Variants in SGCZ observed in about 807,000 individuals in gnomAD.
SGCZ encodes the protein sarcoglycan zeta.
Under a neutral mutation model 41.3 loss-of-function variants are expected in SGCZ, and 40 were observed. The ratio of observed to expected loss-of-function variants is 0.97; its 90% CI spans 0.75 to 1.26. The LOEUF (loss-of-function observed/expected upper bound fraction) is 1.26, where lower values mean the gene tolerates loss of function less well. Ranked by LOEUF, SGCZ falls within the 50% of genes most tolerant of loss-of-function variation. The pLI, the probability that SGCZ is intolerant of heterozygous loss-of-function variation, is 0.00. For missense variants in SGCZ, 552 were observed against 369.8 expected (o/e 1.49, Z -4.04); for synonymous variants, 206 against 137.5 (o/e 1.50, Z -3.49).
At chr8:15,057,202 G>A (rs1344337500) in intron 1 of SGCZ, among the ~76,000 whole-genome samples, 1 of 152,230 alleles carries the variant, frequency 6.6e-6, no homozygotes, top group Non-Finnish European at 1.5e-5. Context: ...TTCACCCCTT[G>A]TGCAGCCAGA....
intron 1 of SGCZ, among the ~76,000 whole-genome samples, chr8:14,733,845 A>C (rs1211669258): frequency 1.3e-5 from 2 of 152,218 alleles, no homozygotes; most frequent in Non-Finnish European, 2.9e-5. Flanking sequence ...AAGCAATTTT[A>C]AGGCTTTGAA....
intron 1 of SGCZ, among the ~76,000 whole-genome samples, chr8:15,113,657 C>T (rs986127594): frequency 2.0e-5 from 3 of 152,160 alleles, no homozygotes; most frequent in African/African-American, 7.2e-5. Context: ...TTTCAGTCCC[C>T]CTTCCTCATA....
At chr8:14,605,283 C>A in intron 1 of SGCZ, among the ~76,000 whole-genome samples, 1 of 151,628 alleles carries the variant, frequency 6.6e-6, no homozygotes. Flanking sequence ...TTTGTGGGTG[C>A]ATAGTGAGTG....
chr8:14,853,107 C>G (rs1313831685), intron 1 of SGCZ, among the ~76,000 whole-genome samples: 1 of 152,110 alleles, frequency 6.6e-6, no homozygotes, highest in Non-Finnish European at 1.5e-5. Flanking sequence ...TGAAGAAAGT[C>G]AAATTAAAGC....
chr8:14,244,187 CT>C lies in SGCZ; in HGVS notation c.337-6509del. Among the ~76,000 whole-genome samples the C allele has an allele frequency of 2.8e-4, 3 of 10,852 alleles. No homozygotes were observed. In the South Asian group the frequency reaches 7.5e-3, roughly 27 times the overall value. 7.1% of individuals were successfully genotyped at this position (10,852 alleles called of 152,430 possible). ...TTCTTCCTCCTCCTCTTCCTTCTTC[CT>C]CCTCCTCTTCCTTCTTCCTCCTCTT... On this transcript the variant is annotated intron_variant, in intron 3 of 7. Coordinates refer to ENST00000382080, the MANE Select transcript of SGCZ (RefSeq NM_139167.4).
intron 5 of SGCZ, among the ~76,000 whole-genome samples, chr8:14,122,791 A>C (rs1027653260): frequency 6.6e-6 from 1 of 151,426 alleles, no homozygotes. Flanking sequence ...TAGAAACTCA[A>C]ATATACTGTT....
intron 1 of SGCZ, among the ~76,000 whole-genome samples, chr8:14,754,360 G>A (rs1799591817): frequency 6.6e-6 from 1 of 151,950 alleles, no homozygotes; most frequent in Non-Finnish European, 1.5e-5. Context: ...ACCTCTCTCT[G>A]TTTTTCTTCT....
intron 1 of SGCZ, among the ~76,000 whole-genome samples, chr8:14,623,899 T>A (rs1241115782): frequency 2.0e-5 from 3 of 152,170 alleles, no homozygotes; most frequent in Non-Finnish European, 4.4e-5. Flanking sequence ...AATACCCACT[T>A]CTGGACTTTT....
At chr8:15,006,884 G>T (rs1229747442) in intron 1 of SGCZ, among the ~76,000 whole-genome samples, 1 of 152,140 alleles carries the variant, frequency 6.6e-6, no homozygotes, top group Non-Finnish European at 1.5e-5. Context: ...TTGTAACCCA[G>T]AGAAAGCTAG....
chr8:14,466,169 C>T (rs73519382), intron 2 of SGCZ, among the ~76,000 whole-genome samples: 2,561 of 152,000 alleles, frequency 0.017, 88 homozygotes, highest in African/African-American at 0.059. Flanking sequence ...ACTTATTCAC[C>T]TTATTCAGCT....
chr8:14,929,370 T>C (rs1228563008), intron 1 of SGCZ, among the ~76,000 whole-genome samples: 1 of 152,204 alleles, frequency 6.6e-6, no homozygotes, highest in Admixed American at 6.5e-5. Flanking sequence ...GCTTTAGATA[T>C]GAGAGTAAGG....
At chr8:14,303,082 T>A (rs905145003) in intron 3 of SGCZ, among the ~76,000 whole-genome samples, 1 of 152,110 alleles carries the variant, frequency 6.6e-6, no homozygotes, top group African/African-American at 2.4e-5. Flanking sequence ...CCTGATACAT[T>A]AGATGCCCAC....
intron 1 of SGCZ, among the ~76,000 whole-genome samples, chr8:14,669,643 T>C (rs575501820): frequency 6.6e-6 from 1 of 151,870 alleles, no homozygotes; most frequent in East Asian, 1.9e-4. Context: ...TTATCACAAA[T>C]GGCAGCACTT....
intron 1 of SGCZ, among the ~76,000 whole-genome samples, chr8:14,854,092 T>A (rs893228251): frequency 6.8e-6 from 1 of 146,266 alleles, no homozygotes; most frequent in African/African-American, 2.5e-5. Flanking sequence ...ATATACTCTG[T>A]CTAAAGCTAC....
chr8:14,128,849 A>G (rs1401809326), intron 5 of SGCZ, among the ~76,000 whole-genome samples: 1 of 152,180 alleles, frequency 6.6e-6, no homozygotes, highest in Non-Finnish European at 1.5e-5. Context: ...AACAAAGTCA[A>G]AAACGACATA....
chr8:14,354,184 A>G (rs925825914), intron 2 of SGCZ, among the ~76,000 whole-genome samples: 2 of 152,068 alleles, frequency 1.3e-5, no homozygotes, highest in African/African-American at 4.8e-5. Context: ...TCCAATAAAC[A>G]CTGTTAAACT....
chr8:14,138,770 T>C (rs768750142), intron 5 of SGCZ, among the ~76,000 whole-genome samples: 10 of 152,126 alleles, frequency 6.6e-5, no homozygotes, highest in Non-Finnish European at 1.2e-4. Flanking sequence ...CTGTAAACAT[T>C]AGACAGATCA....
intron 2 of SGCZ, among the ~76,000 whole-genome samples, chr8:14,492,475 T>A (rs1055153215): frequency 2.0e-5 from 3 of 152,216 alleles, no homozygotes; most frequent in African/African-American, 7.2e-5. Flanking sequence ...TTTATACTAT[T>A]TCCTGTTTAT....
intron 1 of SGCZ, among the ~76,000 whole-genome samples, chr8:14,727,083 G>A (rs1039158562): frequency 1.3e-5 from 2 of 151,856 alleles, no homozygotes; most frequent in Admixed American, 6.6e-5. Context: ...CATTTAAAAA[G>A]AACGTATAAA....
Sources: gnomAD v4.1 joint callset for allele counts (sites outside exome capture counted in the v4.1 genomes callset) on GRCh38, gnomAD v4.1.1 for gene constraint, MANE v1.5 for transcripts, NCBI Gene and HGNC (gene_info 2026-07-23, HGNC 2026-07-21) for gene names.